POLD3: variants seen among roughly 807,000 people sequenced by gnomAD.
POLD3 encodes the protein DNA polymerase delta 3, accessory subunit, also known as DNA polymerase delta subunit 3.
In POLD3, 19 loss-of-function variants were observed where a neutral mutation model predicts 58.2. The observed-to-expected ratio is 0.33, with a 90% CI of 0.23 to 0.48. The LOEUF (loss-of-function observed/expected upper bound fraction) is 0.48, where lower values mean the gene tolerates loss of function less well. POLD3 is among the 20% of genes least tolerant of loss of function. The pLI is 0.99. For missense variants in POLD3, 504 were observed against 545.5 expected (o/e 0.92, Z 0.76); for synonymous variants, 172 against 193.5 (o/e 0.89, Z 0.92).
At position 74,592,786 on chromosome 11, in the gene POLD3, G is replaced by T. The variant is rs1338123277; in HGVS notation, c.60+68G>T. On this transcript the variant is annotated intron_variant, in intron 1 of 11. Coordinates refer to ENST00000263681, the MANE Select transcript of POLD3 (RefSeq NM_006591.3). ...CCTGGGCCCGGCTAGGGCGGCGGGA[G>T]CCTTGACCCTCTGTCTGCTTGTGGC... 3.8e-6 allele frequency: 6 copies of T among 1,594,766 alleles called. No individual in the cohort carries two copies. The African/African-American group carries it at 8.1e-5, about 21-fold the overall frequency.
chr11:74,592,876 G>A, intron 1 of POLD3, 158 bp downstream of exon 1: 2 of 1,459,934 alleles, frequency 1.4e-6, no homozygotes, highest in Non-Finnish European at 1.8e-6. Context: ...GCCCCAGAGC[G>A]AGCGAGGACT....
chr11:74,609,571 C>T (rs565662523), intron 3 of POLD3, among the ~76,000 whole-genome samples: 7 of 150,984 alleles, frequency 4.6e-5, no homozygotes, highest in Admixed American at 2.6e-4. Flanking sequence ...TTAGTAGAGA[C>T]GGGGCTTTGC....
At chr11:74,603,469 T>C (rs1415362935) in intron 2 of POLD3, among the ~76,000 whole-genome samples, 2 of 152,152 alleles carry the variant, frequency 1.3e-5, no homozygotes, top group East Asian at 1.9e-4. Context: ...GAGGAAAATA[T>C]GTAGTAGGGT....
Position 74,637,414 on chromosome 11 carries a change from T to C in POLD3, c.1198+1139T>C, listed in dbSNP as rs1292695723. Among the ~76,000 whole-genome samples, 3 of 133,160 alleles carry C rather than the reference T, an allele frequency of 2.3e-5. No homozygotes were observed. The Admixed American group carries it at 2.4e-4, about 10-fold the overall frequency. The allele number at this position is 133,160 out of a possible 152,430, so 87.4% of individuals were successfully genotyped here. ...CTGTGAATTCTGGACTTTGAATGGGTTTTTTTTTTTCTTTTTCTTCCTTTT... is the reference window on the plus strand; with the variant it reads ...CTGTGAATTCTGGACTTTGAATGGGCTTTTTTTTTTCTTTTTCTTCCTTTT... On this transcript the variant is annotated intron_variant, in intron 11 of 11. Transcript: ENST00000263681.
chr11:74,634,058 C>T (rs552162081), intron 9 of POLD3, among the ~76,000 whole-genome samples: 2 of 152,276 alleles, frequency 1.3e-5, no homozygotes, highest in African/African-American at 4.8e-5. Context: ...CCACATAGAT[C>T]TTGAGAGATA....
rs994523979 is a variant in POLD3 at position 74,642,379 on chromosome 11, A to T, written c.*1613A>T. ...GCCTGGACTTAAACCTTTAGAAAAAACTTCTGGAGAGAAATCCCTTTTAAA... is the reference window on the plus strand; with the variant it reads ...GCCTGGACTTAAACCTTTAGAAAAATCTTCTGGAGAGAAATCCCTTTTAAA... On this transcript the variant is annotated 3_prime_UTR_variant, in exon 12 of 12. Coordinates refer to ENST00000263681, the MANE Select transcript of POLD3 (RefSeq NM_006591.3). 8 of 985,126 alleles carry T rather than the reference A, an allele frequency of 8.1e-6. No homozygotes were observed. The highest frequency in any genetic ancestry group is 9.6e-6 in the Non-Finnish European group (8 of 829,790). 61.0% of individuals were successfully genotyped at this position (985,126 alleles called of 1,614,324 possible). A position where few individuals can be genotyped will look rare whatever the true frequency, so the allele number is the denominator to read the frequency against.
At chr11:74,625,871 T>TTGTGTG (rs56365420) in intron 8 of POLD3, among the ~76,000 whole-genome samples, 10,006 of 143,576 alleles carry the variant, frequency 0.07, 731 homozygotes, top group African/African-American at 0.18. Flanking sequence ...GTGTGCCTAG[T>TTGTGTG]TGTGTGTGTG....
chr11:74,609,374 T>A (rs911006261), intron 3 of POLD3, among the ~76,000 whole-genome samples: 63 of 15,524 alleles, frequency 4.1e-3, no homozygotes, highest in African/African-American at 8.7e-3. Context: ...ATATATATAT[T>A]TTTTTTTTTT....
chr11:74,628,944 G>T, intron 8 of POLD3: 1 of 261,376 alleles, frequency 3.8e-6, no homozygotes, highest in Admixed American at 5.2e-5. Flanking sequence ...GAAGTAAGAA[G>T]GAATTTGGAA....
downstream of POLD3, among the ~76,000 whole-genome samples, chr11:74,643,629 G>A (rs1302599860): frequency 1.3e-5 from 2 of 152,190 alleles, no homozygotes; most frequent in Non-Finnish European, 2.9e-5. Context: ...AGAGGAGCAT[G>A]GCTTTTGGGA....
At chr11:74,599,426 C>T (rs1455238295) in intron 2 of POLD3, among the ~76,000 whole-genome samples, 3 of 147,634 alleles carry the variant, frequency 2.0e-5, no homozygotes, top group East Asian at 4.0e-4. Flanking sequence ...AGTGCAGTGG[C>T]GGAACTCAGC....
At chr11:74,594,360 G>A (rs910311421) in intron 2 of POLD3, among the ~76,000 whole-genome samples, 2 of 152,056 alleles carry the variant, frequency 1.3e-5, no homozygotes, top group Non-Finnish European at 2.9e-5. Context: ...ACTGAATTAC[G>A]AATCCACCCT....
chr11:74,601,092 T>C (rs2031479474), intron 2 of POLD3, among the ~76,000 whole-genome samples: 1 of 152,146 alleles, frequency 6.6e-6, no homozygotes, highest in Non-Finnish European at 1.5e-5. Flanking sequence ...CTGGGGTCAA[T>C]TTGGGGAGAC....
intron 5 of POLD3, among the ~76,000 whole-genome samples, chr11:74,613,524 T>G: frequency 6.6e-6 from 1 of 152,124 alleles, no homozygotes; most frequent in East Asian, 1.9e-4. Flanking sequence ...CAGGCTTGAT[T>G]TGTGGCTTTG....
chr11:74,663,851 C>T (rs1204085616), intron 4 of POLD3, among the ~76,000 whole-genome samples: 1 of 152,094 alleles, frequency 6.6e-6, no homozygotes, highest in Non-Finnish European at 1.5e-5. Context: ...TATCACCATG[C>T]ATATATCTCT....
chr11:74,633,640 T>C (rs2032659792), intron 9 of POLD3, among the ~76,000 whole-genome samples: 2 of 152,320 alleles, frequency 1.3e-5, no homozygotes, highest in Non-Finnish European at 2.9e-5. Flanking sequence ...ATAGGTCAGT[T>C]GAGGATTTTT....
In POLD3 at chr11:74,593,996, T is replaced by C. The variant is rs2031130766; in HGVS notation, c.61-65T>C. 3 of 833,990 alleles carry C rather than the reference T, an allele frequency of 3.6e-6. No individual in the cohort carries two copies. In the Admixed American group the frequency reaches 5.8e-5, roughly 16 times the overall value. The allele number at this position is 833,990 out of a possible 1,614,324, so 51.7% of individuals were successfully genotyped here. On this transcript the variant is annotated intron_variant, in intron 1 of 11. Coordinates refer to ENST00000263681, the MANE Select transcript of POLD3 (RefSeq NM_006591.3). ...GAATAGGAATCTTTAGCAACAGACCTTCGGGACTGATGTGCACTCTGGAGT... is the reference window on the plus strand; with the variant it reads ...GAATAGGAATCTTTAGCAACAGACCCTCGGGACTGATGTGCACTCTGGAGT...
chr11:74,660,090 C>T (rs2033186382), intron 4 of POLD3, among the ~76,000 whole-genome samples: 1 of 152,180 alleles, frequency 6.6e-6, no homozygotes, highest in African/African-American at 2.4e-5. Context: ...TGGTAGGAGG[C>T]AAAAGGCACT....
intron 5 of POLD3, among the ~76,000 whole-genome samples, chr11:74,615,776 A>G (rs6592576): frequency 0.86 from 130,409 of 152,096 alleles, 56,426 homozygotes; most frequent in African/African-American, 0.97. Context: ...CATAGTTTCT[A>G]TAAGTTCCAT....
Sources: allele counts gnomAD v4.1 joint callset (sites outside exome capture counted in the v4.1 genomes callset), GRCh38; gene constraint gnomAD v4.1.1; transcripts MANE v1.5; gene names NCBI Gene and HGNC (gene_info 2026-07-23, HGNC 2026-07-21).